MERTK: variants seen among roughly 807,000 people sequenced by gnomAD.
The protein encoded by MERTK is tyrosine-protein kinase Mer.
A neutral mutation model predicts 99.3 loss-of-function variants in MERTK; 69 were observed. The ratio of observed to expected loss-of-function variants is 0.70; its 90% CI spans 0.57 to 0.85. The LOEUF is 0.85. Ranked by LOEUF, MERTK falls within the 40% of genes least tolerant of loss-of-function variation. The probability of loss-of-function intolerance (pLI) is 0.00; values close to 1 mark genes in which losing one functional copy is unlikely to be tolerated. For synonymous variants in MERTK, 426 were observed against 467.6 expected (o/e 0.91, Z 1.15); for missense variants, 1,125 against 1,249.4 (o/e 0.90, Z 1.50).
intron 2 of MERTK, among the ~76,000 whole-genome samples, chr2:111,941,697 G>C (rs191956975): frequency 1.3e-5 from 2 of 152,158 alleles, no homozygotes; most frequent in East Asian, 3.9e-4. Flanking sequence ...TCTAGAAAGC[G>C]ACAAGTATAA....
intron 6 of MERTK, among the ~76,000 whole-genome samples, 167 bp from the exon 7 acceptor site, chr2:111,975,122 T>TAAC (rs1676217515): frequency 2.6e-5 from 4 of 152,172 alleles, no homozygotes; most frequent in African/African-American, 9.7e-5. Flanking sequence ...AGGGCATGAG[T>TAAC]AACACACAGT....
chr2:111,959,909 A>G lies in MERTK; in HGVS notation c.758-5282A>G, dbSNP rs548406629. ...TAAAACTGAAAACTTTTAAAACACA[A>G]AAATACACAAGCATACACTTCATTG... On this transcript the variant is annotated intron_variant, in intron 4 of 18. Coordinates refer to ENST00000295408, the MANE Select transcript of MERTK (RefSeq NM_006343.3). Among the ~76,000 whole-genome samples the G allele has an allele frequency of 5.3e-5, 8 of 152,316 alleles. No homozygotes were observed. In the South Asian group the frequency reaches 1.7e-3, roughly 32 times the overall value.
intron 7 of MERTK, among the ~76,000 whole-genome samples, chr2:111,980,641 A>G (rs1021792528): frequency 6.6e-6 from 1 of 151,906 alleles, no homozygotes; most frequent in Non-Finnish European, 1.5e-5. Flanking sequence ...GATGGTCTCG[A>G]TCTCCTGACC....
At chr2:111,938,036 G>C (rs1237501530) in intron 2 of MERTK, among the ~76,000 whole-genome samples, 1 of 151,988 alleles carries the variant, frequency 6.6e-6, no homozygotes, top group Non-Finnish European at 1.5e-5. Context: ...CAGAACTCCA[G>C]TAGAGTAACC....
chr2:111,973,911 A>G (rs1373987183), intron 6 of MERTK, among the ~76,000 whole-genome samples: 3 of 150,836 alleles, frequency 2.0e-5, no homozygotes, highest in Non-Finnish European at 4.4e-5. Context: ...GGAGGGAAAG[A>G]TAAGGCAGTA....
intron 6 of MERTK, among the ~76,000 whole-genome samples, chr2:111,970,932 A>T (rs1038588853): frequency 1.1e-4 from 16 of 151,736 alleles, no homozygotes; most frequent in African/African-American, 3.6e-4. Context: ...AATCTTCTTT[A>T]AATATTTAAT....
chr2:111,898,629 C>A lies in MERTK; in HGVS notation c.-107C>A, dbSNP rs972154973. The stretch of plus-strand genomic sequence containing the variant: ...GCCACTCGGCACTCACTGCCCGGGC[C>A]GCCCGGACAGGGAGCTTCGCTGGCG... On this transcript the variant is annotated 5_prime_UTR_variant, in exon 1 of 19. Transcript: ENST00000295408. 1.9e-4 allele frequency: 257 copies of A among 1,363,996 alleles called. No individual in the cohort carries two copies. Among genetic ancestry groups the A allele is most frequent in the Middle Eastern group, 1.7e-3 (9 of 5,152 alleles). 84.5% of individuals were successfully genotyped at this position (1,363,996 alleles called of 1,614,324 possible).
intron 16 of MERTK, chr2:112,020,530 G>A: frequency 2.1e-6 from 1 of 466,674 alleles, no homozygotes; most frequent in Non-Finnish European, 4.4e-6. Flanking sequence ...CCTTCTTCTT[G>A]TGTAGGAGCT....
chr2:111,980,070 A>G (rs1676337158), intron 7 of MERTK, among the ~76,000 whole-genome samples: 1 of 152,190 alleles, frequency 6.6e-6, no homozygotes, highest in African/African-American at 2.4e-5. Context: ...TGATCTAGAT[A>G]CGATACCCCC....
At chr2:111,906,084 T>C (rs1684131902) in intron 1 of MERTK, among the ~76,000 whole-genome samples, 2 of 151,952 alleles carry the variant, frequency 1.3e-5, no homozygotes, top group Non-Finnish European at 2.9e-5. Flanking sequence ...TGTGCCTCCA[T>C]GTATTTCTGT....
Position 112,019,475 on chromosome 2 carries a change from G to C in MERTK, c.2142G>C (p.Leu714=), listed in dbSNP as rs200363872. 2.8e-4 allele frequency: 448 copies of C among 1,613,998 alleles called. No homozygotes were observed. The highest frequency in any genetic ancestry group is 5.3e-4 in the Admixed American group (32 of 60,022). ...ATATTGCCCTGGGAATGGAGTATCT[G>C]AGCAACAGGAATTTTCTTCATCGAG... The part of the protein sequence containing the change: ...MVDIALGMEY[L]SNRNFLHRDL... Residue 714 remains leucine, a synonymous_variant, in exon 16 of 19, where the codon CTG becomes CTC. Coordinates refer to ENST00000295408, the MANE Select transcript of MERTK (RefSeq NM_006343.3).
At chr2:111,940,107 C>T (rs976016323) in intron 2 of MERTK, among the ~76,000 whole-genome samples, 14 of 111,046 alleles carry the variant, frequency 1.3e-4, no homozygotes, top group Non-Finnish European at 2.3e-4. Flanking sequence ...TTGGCTTCTA[C>T]TCTTTTTTTT....
chr2:111,971,928 G>A (rs1676126655), intron 6 of MERTK, among the ~76,000 whole-genome samples: 1 of 152,182 alleles, frequency 6.6e-6, no homozygotes, highest in African/African-American at 2.4e-5. Flanking sequence ...TGAATTGTCT[G>A]TTTCTCCCTT....
rs149647041 is a variant in MERTK at position 112,004,644 on chromosome 2, G to C, written c.1867+660G>C. On this transcript the variant is annotated intron_variant, in intron 13 of 18. Coordinates refer to ENST00000295408, the MANE Select transcript of MERTK (RefSeq NM_006343.3). ...GAGGCTTAACCAGCCGGGCACGGTG[G>C]CTCACGCCTGGAATCCCAGCACTTT... Among the ~76,000 whole-genome samples the C allele has an allele frequency of 1.3e-3, 205 of 152,308 alleles. 3 individuals are homozygous for C. The East Asian group carries it at 0.031, about 23-fold the overall frequency.
chr2:112,026,968 T>C (rs1025480214), intron 18 of MERTK, among the ~76,000 whole-genome samples: 1 of 134,016 alleles, frequency 7.5e-6, no homozygotes, highest in South Asian at 2.2e-4. Flanking sequence ...GTATGAATTA[T>C]CAGTTTCTCA....
chr2:112,014,486 A>C (rs1677176556), intron 15 of MERTK, among the ~76,000 whole-genome samples: 1 of 152,106 alleles, frequency 6.6e-6, no homozygotes, highest in Non-Finnish European at 1.5e-5. Flanking sequence ...AATTTTTCTA[A>C]TAATTTCTTG....
Position 111,994,308 on chromosome 2 carries a change from G to T in MERTK, c.1354G>T (p.Val452Phe), listed in dbSNP as rs34010621. ...NGSRARISVQVHNATCTVRIA... is the reference protein window; with the variant it reads ...NGSRARISVQFHNATCTVRIA... ...CAGCCGAGCTCGGATCTCTGTTCAA[G>T]TCCACAATGCTACGTGCACAGTGAG... Residue 452 changes from valine to phenylalanine, a missense_variant, in exon 9 of 19, where the codon GTC becomes TTC. Transcript: ENST00000295408. The T allele has an allele frequency of 3.7e-6, 6 of 1,614,106 alleles. No homozygotes were observed. The East Asian group carries it at 1.3e-4, about 36-fold the overall frequency.
chr2:112,004,850 C>T (rs760100278), intron 13 of MERTK, among the ~76,000 whole-genome samples: 1 of 151,142 alleles, frequency 6.6e-6, no homozygotes, highest in African/African-American at 2.4e-5. Flanking sequence ...TGCATTGAGC[C>T]GAGATCACAC....
chr2:111,959,499 T>TTG (rs539880687), intron 4 of MERTK, among the ~76,000 whole-genome samples: 1 of 151,998 alleles, frequency 6.6e-6, no homozygotes, highest in South Asian at 2.1e-4. Flanking sequence ...TTGTTTGTTT[T>TTG]TGTGTGTGTG....
Sources: allele counts gnomAD v4.1 joint callset (sites outside exome capture counted in the v4.1 genomes callset), GRCh38; gene constraint gnomAD v4.1.1; transcripts MANE v1.5; gene names NCBI Gene and HGNC (gene_info 2026-07-23, HGNC 2026-07-21).